The following EXOC6B variants were observed in gnomAD, a reference collection of about 807,000 sequenced individuals.
The protein encoded by EXOC6B is exocyst complex component 6B, also known as SEC15 homolog B.
EXOC6B carries 54 observed loss-of-function variants against 113.5 expected under a neutral mutation model. The observed-to-expected ratio is 0.48, with a 90% CI of 0.38 to 0.60. The LOEUF (loss-of-function observed/expected upper bound fraction) is 0.60. Among genes scored for constraint, EXOC6B ranks in the 20% least tolerant of loss-of-function variants. EXOC6B has a pLI of 0.00. For missense variants in EXOC6B, 797 were observed against 977.5 expected, an observed-to-expected ratio of 0.82 and a Z score of 2.46; for synonymous variants, 357 against 339.0, an observed-to-expected ratio of 1.05 and a Z score of -0.58.
chr2:72,335,184 T>A (rs1688623291), intron 19 of EXOC6B, 164 bp from the exon 20 acceptor site: 1 of 619,230 alleles, frequency 1.6e-6, no homozygotes, highest in African/African-American at 1.8e-5. Flanking sequence ...CCTTCAAAAT[T>A]CGTGTCATCA....
intron 18 of EXOC6B, among the ~76,000 whole-genome samples, chr2:72,389,336 C>T (rs922325055): frequency 1.7e-4 from 26 of 151,876 alleles, no homozygotes; most frequent in African/African-American, 4.8e-4. Flanking sequence ...CTTGCATTTA[C>T]CTCCTTCCAG....
chr2:72,525,684 C>A (rs1280202188), intron 8 of EXOC6B, among the ~76,000 whole-genome samples: 1 of 152,030 alleles, frequency 6.6e-6, no homozygotes, highest in Non-Finnish European at 1.5e-5. Flanking sequence ...TAGACAAGAA[C>A]ATTTTTAATA....
intron 20 of EXOC6B, among the ~76,000 whole-genome samples, chr2:72,331,137 G>T (rs1688399550): frequency 1.3e-5 from 2 of 152,026 alleles, no homozygotes; most frequent in South Asian, 4.1e-4. Flanking sequence ...ATACATAATG[G>T]CTTCATCCTT....
At chr2:72,181,960 T>A (rs1678115375) in intron 21 of EXOC6B, among the ~76,000 whole-genome samples, 1 of 152,330 alleles carries the variant, frequency 6.6e-6, no homozygotes, top group Admixed American at 6.5e-5. Context: ...TTTCCCTCAA[T>A]GTCTTTAGCA....
chr2:72,199,470 A>G (rs1424491893), intron 20 of EXOC6B, among the ~76,000 whole-genome samples: 1 of 152,144 alleles, frequency 6.6e-6, no homozygotes, highest in East Asian at 1.9e-4. Flanking sequence ...GCTCACTATG[A>G]ATTTTTATAG....
chr2:72,781,019 T>A (rs1192916792), intron 1 of EXOC6B, among the ~76,000 whole-genome samples: 1 of 152,202 alleles, frequency 6.6e-6, no homozygotes, highest in African/African-American at 2.4e-5. Context: ...CTACTCCCAA[T>A]GCTCCTATTA....
intron 6 of EXOC6B, among the ~76,000 whole-genome samples, chr2:72,605,484 T>C (rs1670699925): frequency 6.6e-6 from 1 of 152,170 alleles, no homozygotes; most frequent in African/African-American, 2.4e-5. Context: ...AAAAGCATTT[T>C]ATAAGTTTAT....
intron 6 of EXOC6B, among the ~76,000 whole-genome samples, chr2:72,675,440 A>T (rs1223461118): frequency 6.6e-6 from 1 of 152,216 alleles, no homozygotes; most frequent in South Asian, 2.1e-4. Context: ...AGCTCATAAG[A>T]TCCCCTGACG....
chr2:72,582,672 C>T (rs761898225), intron 6 of EXOC6B, among the ~76,000 whole-genome samples: 4 of 151,998 alleles, frequency 2.6e-5, no homozygotes, highest in Non-Finnish European at 5.9e-5. Context: ...TCAATGTCTC[C>T]AGCTGAGAAG....
chr2:72,182,262 A>G (rs1678134622), intron 21 of EXOC6B, among the ~76,000 whole-genome samples: 1 of 152,196 alleles, frequency 6.6e-6, no homozygotes, highest in Non-Finnish European at 1.5e-5. Flanking sequence ...TTGTTGAGCC[A>G]TAGGGAGTGG....
intron 8 of EXOC6B, among the ~76,000 whole-genome samples, chr2:72,517,270 T>G (rs1162072962): frequency 6.6e-6 from 1 of 152,186 alleles, no homozygotes; most frequent in Admixed American, 6.5e-5. Flanking sequence ...TCACCTTTCA[T>G]TAAATATTCC....
rs1205471774 is a variant in EXOC6B at position 72,757,852 on chromosome 2, T to C, written c.114-16383A>G. Reference sequence around the variant, plus strand: ...CTTCCTCTTGTAATTAATCATGATATCAAAATGGTTTTAAAACATACATAT... The same window carrying C: ...CTTCCTCTTGTAATTAATCATGATACCAAAATGGTTTTAAAACATACATAT... On this transcript the variant is annotated intron_variant, in intron 1 of 21. Coordinates refer to ENST00000272427, the MANE Select transcript of EXOC6B (RefSeq NM_015189.3). Among the ~76,000 whole-genome samples, 3 of 152,206 alleles carry C rather than the reference T, an allele frequency of 2.0e-5. No homozygotes were observed. In the East Asian group the frequency reaches 5.8e-4, roughly 29 times the overall value.
intron 3 of EXOC6B, among the ~76,000 whole-genome samples, chr2:72,731,501 G>C (rs1039628504): frequency 6.6e-6 from 1 of 152,044 alleles, no homozygotes; most frequent in African/African-American, 2.4e-5. Flanking sequence ...GGTTATCCAG[G>C]AGAAAAAAAC....
At chr2:72,721,346 A>C (rs1380643686) in intron 5 of EXOC6B, among the ~76,000 whole-genome samples, 1 of 149,350 alleles carries the variant, frequency 6.7e-6, no homozygotes, top group Non-Finnish European at 1.5e-5. Flanking sequence ...AAAGGTTAAT[A>C]AACTTGAGTT....
intron 8 of EXOC6B, 89 bp from the exon 9 acceptor site, chr2:72,515,215 T>G (rs1188351371): frequency 2.5e-6 from 3 of 1,216,510 alleles, no homozygotes; most frequent in Non-Finnish European, 3.5e-6. Flanking sequence ...AGGTCTGGAA[T>G]TTGAGGTAGT....
At chr2:72,496,927 T>C (rs966077434) in intron 13 of EXOC6B, among the ~76,000 whole-genome samples, 19 of 147,790 alleles carry the variant, frequency 1.3e-4, no homozygotes, top group Admixed American at 3.4e-4. Context: ...TCTGTTTGGT[T>C]TAATATGATA....
chr2:72,589,631 G>T (rs1284096314), intron 6 of EXOC6B, among the ~76,000 whole-genome samples: 1 of 152,016 alleles, frequency 6.6e-6, no homozygotes, highest in Non-Finnish European at 1.5e-5. Flanking sequence ...GTGATCTGCT[G>T]TGAGGTAGTG....
At chr2:72,548,989 G>A (rs1370654305) in intron 8 of EXOC6B, among the ~76,000 whole-genome samples, 1 of 151,910 alleles carries the variant, frequency 6.6e-6, no homozygotes, top group Non-Finnish European at 1.5e-5. Flanking sequence ...TCCAACCTGG[G>A]CGACAGAGTG....
chr2:72,506,221 T>C (rs1164652733), intron 11 of EXOC6B, among the ~76,000 whole-genome samples: 1 of 152,126 alleles, frequency 6.6e-6, no homozygotes, highest in Non-Finnish European at 1.5e-5. Context: ...TTAAGATGAA[T>C]TGGCATTTCC....
Sources: allele counts gnomAD v4.1 joint callset (sites outside exome capture counted in the v4.1 genomes callset), GRCh38; gene constraint gnomAD v4.1.1; transcripts MANE v1.5; gene names NCBI Gene and HGNC (gene_info 2026-07-23, HGNC 2026-07-21).